Variants in WWC1 observed in about 807,000 individuals in gnomAD.
WWC1 encodes WW and C2 domain containing 1.
A neutral mutation model predicts 138.4 loss-of-function variants in WWC1; 55 were observed. The ratio of observed to expected loss-of-function variants is 0.40; its 90% CI spans 0.32 to 0.50. WWC1 has a LOEUF of 0.50. Ranked by LOEUF, WWC1 falls within the 20% of genes least tolerant of loss-of-function variation. The probability of loss-of-function intolerance (pLI) is 0.72; values close to 1 mark genes in which losing one functional copy is unlikely to be tolerated. For synonymous variants in WWC1, 524 were observed against 564.9 expected (o/e 0.93, Z 1.03); for missense variants, 1,226 against 1,420.4 (o/e 0.86, Z 2.20).
chr5:168,292,720 T>G lies in WWC1; in HGVS notation c.119+449T>G, dbSNP rs1282389604. Among the ~76,000 whole-genome samples, 1 of 151,802 alleles carries G rather than the reference T, an allele frequency of 6.6e-6. No individual in the cohort carries two copies. Among genetic ancestry groups the G allele is most frequent in the Non-Finnish European group, 1.5e-5 (1 of 67,940 alleles). Reference sequence around the variant, plus strand: ...GGAAGTGTCCGGTTAGAGGGGGTGGTCAAGACCCCAGGATTCCGTGGGAGA... The same window carrying G: ...GGAAGTGTCCGGTTAGAGGGGGTGGGCAAGACCCCAGGATTCCGTGGGAGA... On this transcript the variant is annotated intron_variant, in intron 1 of 22. Coordinates refer to ENST00000265293, the MANE Select transcript of WWC1 (RefSeq NM_015238.3). This position sits in a 1 kb window ranked among gnomAD's most constrained non-coding sequence, Gnocchi z 4.4.
In WWC1 at chr5:168,444,637, C is replaced by T. The variant is rs777500015; in HGVS notation, c.2525+52C>T. ...GGAGCTGCCCTGCCTGGACCTAGGC[C>T]CAGCAATGAGATCCCCCAATGCCAG... is the stretch of plus-strand genomic sequence containing the variant. On this transcript the variant is annotated intron_variant, in intron 17 of 22. Transcript: ENST00000265293. 5 of 1,590,962 alleles carry T rather than the reference C, an allele frequency of 3.1e-6. No individual in the cohort carries two copies. The African/African-American group carries it at 5.4e-5, about 17-fold the overall frequency.
At chr5:168,352,134 T>A (rs1775014800) in intron 1 of WWC1, among the ~76,000 whole-genome samples, 1 of 152,152 alleles carries the variant, frequency 6.6e-6, no homozygotes, top group African/African-American at 2.4e-5. Flanking sequence ...CAATTAACAT[T>A]AACACGCACG....
At chr5:168,432,818 C>T (rs1782052125) in intron 15 of WWC1, among the ~76,000 whole-genome samples, 1 of 152,084 alleles carries the variant, frequency 6.6e-6, no homozygotes, top group Admixed American at 6.5e-5. Context: ...GGGGTATGTG[C>T]AAAGGGGAAA....
At chr5:168,439,209 C>A (rs1446895816) in intron 15 of WWC1, among the ~76,000 whole-genome samples, 1 of 152,136 alleles carries the variant, frequency 6.6e-6, no homozygotes, top group Non-Finnish European at 1.5e-5. Context: ...TATAGCCTGG[C>A]CATCTCTCTG....
intron 1 of WWC1, among the ~76,000 whole-genome samples, chr5:168,334,507 G>C (rs1474882499): frequency 6.6e-6 from 1 of 152,004 alleles, no homozygotes; most frequent in Non-Finnish European, 1.5e-5. Context: ...CACTCACTTG[G>C]GAAGCCTTCT....
At chr5:168,434,840 C>T (rs779865032) in intron 15 of WWC1, among the ~76,000 whole-genome samples, 6 of 152,182 alleles carry the variant, frequency 3.9e-5, no homozygotes, top group Non-Finnish European at 7.3e-5. Flanking sequence ...CCACCCAGCC[C>T]GGGCTCTCTC....
chr5:168,383,522 G>C (rs1777808162), intron 2 of WWC1, among the ~76,000 whole-genome samples: 1 of 152,180 alleles, frequency 6.6e-6, no homozygotes, highest in South Asian at 2.1e-4. Flanking sequence ...TAGATTGGGA[G>C]GCATAAACTC....
intron 1 of WWC1, among the ~76,000 whole-genome samples, chr5:168,346,933 C>T (rs916375284): frequency 6.6e-6 from 1 of 152,120 alleles, no homozygotes; most frequent in Admixed American, 6.5e-5. Flanking sequence ...CTGAGGGTCT[C>T]TTGAGGGTCT....
chr5:168,421,282 G>A (rs1419351736), intron 9 of WWC1, among the ~76,000 whole-genome samples: 2 of 152,062 alleles, frequency 1.3e-5, no homozygotes, highest in Non-Finnish European at 1.5e-5. Context: ...CTGCCCACCC[G>A]GCCACAGGGA....
chr5:168,461,353 A>G (rs1756795048), intron 20 of WWC1, among the ~76,000 whole-genome samples: 1 of 152,094 alleles, frequency 6.6e-6, no homozygotes, highest in Non-Finnish European at 1.5e-5. Context: ...AGAAGAATTA[A>G]CCAACCCAAC....
intron 1 of WWC1, among the ~76,000 whole-genome samples, chr5:168,353,617 G>A (rs1775162766): frequency 6.6e-6 from 1 of 152,220 alleles, no homozygotes; most frequent in Admixed American, 6.5e-5. Context: ...TTTGCACCTG[G>A]ACCATGATCT....
At chr5:168,378,469 A>G (rs1561680329) in intron 2 of WWC1, among the ~76,000 whole-genome samples, 1 of 152,238 alleles carries the variant, frequency 6.6e-6, no homozygotes, top group African/African-American at 2.4e-5. Context: ...TGGAAGTACC[A>G]TAATGCTTCC....
At chr5:168,466,033 G>A (rs1325404479) in intron 21 of WWC1, among the ~76,000 whole-genome samples, 1 of 152,088 alleles carries the variant, frequency 6.6e-6, no homozygotes, top group Non-Finnish European at 1.5e-5. Flanking sequence ...GGAGTCTCTG[G>A]GTCAGAGAAC....
intron 2 of WWC1, among the ~76,000 whole-genome samples, chr5:168,380,716 T>G (rs1190828794): frequency 6.6e-6 from 1 of 152,168 alleles, no homozygotes; most frequent in Non-Finnish European, 1.5e-5. Flanking sequence ...ACACGAAGAC[T>G]TAGAGTATTC....
chr5:168,382,514 C>A (rs759308998), intron 2 of WWC1, among the ~76,000 whole-genome samples: 1 of 152,204 alleles, frequency 6.6e-6, no homozygotes, highest in Non-Finnish European at 1.5e-5. Context: ...CATTGCCAGC[C>A]TGCTCAAGAT....
chr5:168,351,586 G>T (rs1052763058), intron 1 of WWC1, among the ~76,000 whole-genome samples: 2 of 152,216 alleles, frequency 1.3e-5, no homozygotes, highest in Non-Finnish European at 2.9e-5. Context: ...TGTGGGAGAT[G>T]AGAAGAGGTT....
At chr5:168,318,056 A>G (rs897889298) in intron 1 of WWC1, among the ~76,000 whole-genome samples, 2 of 151,872 alleles carry the variant, frequency 1.3e-5, no homozygotes, top group Admixed American at 1.3e-4. Flanking sequence ...TTGATAAAGT[A>G]TGATTTTTTT....
At chr5:168,390,800 G>A (rs1365174902) in intron 3 of WWC1, among the ~76,000 whole-genome samples, 1 of 152,260 alleles carries the variant, frequency 6.6e-6, no homozygotes, top group East Asian at 1.9e-4. Flanking sequence ...ACTCGCTGGT[G>A]TAATCTCTAG....
chr5:168,373,201 A>G (rs1465741987), intron 2 of WWC1, among the ~76,000 whole-genome samples: 1 of 152,142 alleles, frequency 6.6e-6, no homozygotes. Flanking sequence ...TCCTGTTTCT[A>G]ATTGCTGAGT....
Sources: allele counts gnomAD v4.1 joint callset (sites outside exome capture counted in the v4.1 genomes callset), GRCh38; gene constraint gnomAD v4.1.1; non-coding constraint Gnocchi (gnomAD v3.1); transcripts MANE v1.5; gene names NCBI Gene and HGNC (gene_info 2026-07-23, HGNC 2026-07-21).